Variants in CFAP58 observed in about 807,000 individuals in gnomAD.
CFAP58 encodes cilia- and flagella-associated protein 58.
A neutral mutation model predicts 119.5 loss-of-function variants in CFAP58; 88 were observed. The observed-to-expected ratio is 0.74, with a 90% confidence interval of 0.62 to 0.88. The LOEUF (loss-of-function observed/expected upper bound fraction) is 0.88. CFAP58 is among the 40% of genes least tolerant of loss of function. CFAP58 has a pLI of 0.00. For missense variants in CFAP58, 990 were observed against 1,021.2 expected, an observed-to-expected ratio of 0.97 and a Z score of 0.42; for synonymous variants, 365 against 366.3, an observed-to-expected ratio of 1.00 and a Z score of 0.04.
chr10:104,340,806 C>T, the CFAP58 span, among the ~76,000 whole-genome samples: 10 of 152,072 alleles, frequency 6.6e-5, no homozygotes, highest in African/African-American at 2.4e-4. Context: ...TCTATTCAGG[C>T]CTTGAGTTCT....
rs1263236238 is a variant in CFAP58 at position 104,455,022 on chromosome 10, C to T, written c.*492C>T. 1.3e-5 allele frequency: 2 copies of T among 152,096 alleles called. No individual in the cohort carries two copies. Among genetic ancestry groups the T allele is most frequent in the Admixed American group, 1.3e-4 (2 of 15,262 alleles). The allele number at this position is 152,096 out of a possible 1,614,324, so 9.4% of individuals were successfully genotyped here. A position where few individuals can be genotyped will look rare whatever the true frequency, so the allele number is the denominator to read the frequency against. ...TTTCTATATGGAATTTCTTTTCAGGCCCGGAATGGGAAAATCTATTCCAAA... is the reference window on the plus strand; with the variant it reads ...TTTCTATATGGAATTTCTTTTCAGGTCCGGAATGGGAAAATCTATTCCAAA... On this transcript the variant is annotated 3_prime_UTR_variant, in exon 18 of 18. Transcript: ENST00000369704.
At position 104,376,298 on chromosome 10, in the gene CFAP58, GA is replaced by G. The variant is rs901213178; in HGVS notation, c.1091-502del. 6.1e-3 allele frequency among the ~76,000 whole-genome samples: 886 copies of G among 144,072 alleles called. 6 individuals carry two copies. The highest frequency in any genetic ancestry group is 0.02 in the African/African-American group (777 of 39,480). The allele number at this position is 144,072 out of a possible 152,430, so 94.5% of individuals were successfully genotyped here. On this transcript the variant is annotated intron_variant, in intron 7 of 17. Transcript: ENST00000369704. ...TCTTAGATAGGAATTTGGGCAAGAG[GA>G]AAAAAAAAAATCAGAGCTAGTCCTC...
chr10:104,426,241 A>C (rs1437559313), intron 15 of CFAP58, among the ~76,000 whole-genome samples: 1 of 152,120 alleles, frequency 6.6e-6, no homozygotes, highest in African/African-American at 2.4e-5. Flanking sequence ...CCATCTGAAA[A>C]ACAAAACAAA....
chr10:104,386,476 A>G (rs796861547), intron 9 of CFAP58, among the ~76,000 whole-genome samples: 4 of 152,330 alleles, frequency 2.6e-5, no homozygotes, highest in African/African-American at 9.6e-5. Flanking sequence ...AACACTATTA[A>G]TAACCTTGCC....
At chr10:104,390,473 G>A (rs1454390855) in intron 9 of CFAP58, among the ~76,000 whole-genome samples, 1 of 152,170 alleles carries the variant, frequency 6.6e-6, no homozygotes, top group Non-Finnish European at 1.5e-5. Flanking sequence ...GAATAACTTT[G>A]TAAATATTAC....
intron 9 of CFAP58, among the ~76,000 whole-genome samples, chr10:104,382,684 T>C (rs771954020): frequency 1.2e-4 from 18 of 152,098 alleles, no homozygotes; most frequent in Non-Finnish European, 8.8e-5. Flanking sequence ...TGATGGTGAG[T>C]GAGTTCTCAT....
chr10:104,365,839 A>G lies in CFAP58; in HGVS notation c.623A>G (p.Gln208Arg). The change falls in exon 5 of 18, where the codon CAG becomes CGG. Residue 208 changes from glutamine to arginine, a missense_variant. Coordinates refer to ENST00000369704, the MANE Select transcript of CFAP58 (RefSeq NM_001008723.2). ...SQFQQEIQQR[Q>R]NEASREFRKK... ...TTCCAACAAGAAATCCAGCAACGTC[A>G]GAACGAAGCTTCCCGGGAGTTCCGG... The G allele has an allele frequency of 6.2e-7, 1 of 1,611,766 alleles. No individual in the cohort carries two copies. The highest frequency in any genetic ancestry group is 8.5e-7 in the Non-Finnish European group (1 of 1,179,236).
chr10:104,412,372 C>A (rs1428382324), intron 15 of CFAP58, among the ~76,000 whole-genome samples: 1 of 151,892 alleles, frequency 6.6e-6, no homozygotes, highest in Admixed American at 6.6e-5. Context: ...TCCAGGCCTC[C>A]AAAGTTTAAT....
chr10:104,442,232 T>G (rs2013047499), intron 15 of CFAP58, among the ~76,000 whole-genome samples: 1 of 152,192 alleles, frequency 6.6e-6, no homozygotes, highest in Non-Finnish European at 1.5e-5. Flanking sequence ...CAATTAGGAT[T>G]TCTGTGTTTA....
intron 15 of CFAP58, among the ~76,000 whole-genome samples, chr10:104,427,821 C>A (rs2133075247): frequency 6.6e-6 from 1 of 152,238 alleles, no homozygotes; most frequent in African/African-American, 2.4e-5. Context: ...CCAGGTGGCC[C>A]TTGGCTGGTG....
intron 15 of CFAP58, among the ~76,000 whole-genome samples, chr10:104,413,751 A>T (rs3069008): frequency 1.9e-3 from 270 of 140,232 alleles, no homozygotes; most frequent in African/African-American, 6.7e-3. Flanking sequence ...ATCATCATCA[A>T]GATGGCATTT....
intron 15 of CFAP58, among the ~76,000 whole-genome samples, chr10:104,436,052 T>C (rs1240496148): frequency 1.3e-5 from 2 of 152,156 alleles, no homozygotes; most frequent in Non-Finnish European, 2.9e-5. Context: ...CCATATGCTC[T>C]TGCATCTGCT....
At chr10:104,446,971 C>G (rs1349872510) in intron 15 of CFAP58, among the ~76,000 whole-genome samples, 2 of 152,038 alleles carry the variant, frequency 1.3e-5, no homozygotes, top group African/African-American at 2.4e-5. Flanking sequence ...CCTCTTCCCT[C>G]AAGACATTTT....
chr10:104,357,857 A>G (rs201482565), intron 1 of CFAP58, among the ~76,000 whole-genome samples: 8,945 of 75,496 alleles, frequency 0.12, 733 homozygotes, highest in African/African-American at 0.29. Context: ...ACACATATAT[A>G]CACATATATA....
In CFAP58 at chr10:104,450,002, G is replaced by A. The variant is rs147743610; in HGVS notation, c.2377-69G>A. The A allele has an allele frequency of 2.8e-5, 41 of 1,469,670 alleles. No individual in the cohort carries two copies. In the African/African-American group the frequency reaches 3.3e-4, roughly 12 times the overall value. The allele number at this position is 1,469,670 out of a possible 1,614,324, so 91.0% of individuals were successfully genotyped here. On this transcript the variant is annotated intron_variant, in intron 16 of 17. Transcript: ENST00000369704. Reference sequence around the variant, plus strand: ...TCTAGCTCCACTGCGGTAAATGGTAGCAGATTAAAAGATTTCTCAGAAAAG... The same window carrying A: ...TCTAGCTCCACTGCGGTAAATGGTAACAGATTAAAAGATTTCTCAGAAAAG...
intron 1 of CFAP58, among the ~76,000 whole-genome samples, chr10:104,357,996 T>C (rs565334788): frequency 2.8e-4 from 38 of 136,638 alleles, no homozygotes; most frequent in African/African-American, 4.8e-4. Context: ...CACATATATG[T>C]ACACATATAT....
rs780852591 is a variant in CFAP58 at position 104,365,910 on chromosome 10, A to G, written c.694A>G (p.Met232Val). The change falls in exon 5 of 18, where the codon ATG becomes GTG. Residue 232 changes from methionine to valine, a missense_variant. Met to Val is a conservative substitution (Grantham distance 21, BLOSUM62 1). Transcript: ENST00000369704. ...AGAGCTCAAGCAGATTCAGGCAGACATGGACAGCAGGCAGACAGAAATAAA... is the reference window on the plus strand; with the variant it reads ...AGAGCTCAAGCAGATTCAGGCAGACGTGGACAGCAGGCAGACAGAAATAAA... ...EKELKQIQAD[M>V]DSRQTEIKAL... The G allele has an allele frequency of 4.8e-5, 78 of 1,613,584 alleles. No individual in the cohort carries two copies. The highest frequency in any genetic ancestry group is 6.7e-5 in the Admixed American group (4 of 59,932).
chr10:104,356,255 G>A (rs1433936540), intron 1 of CFAP58, among the ~76,000 whole-genome samples: 3 of 152,126 alleles, frequency 2.0e-5, no homozygotes, highest in South Asian at 2.1e-4. Context: ...GCATGTCATC[G>A]TTAGAGATTT....
chr10:104,346,438 C>T, the CFAP58 span, among the ~76,000 whole-genome samples: 1 of 151,944 alleles, frequency 6.6e-6, no homozygotes. Flanking sequence ...ACCTCAAACT[C>T]CTGGGCTCCA....
Sources: allele counts gnomAD v4.1 joint callset (sites outside exome capture counted in the v4.1 genomes callset), GRCh38; gene constraint gnomAD v4.1.1; transcripts MANE v1.5; gene names NCBI Gene and HGNC (gene_info 2026-07-23, HGNC 2026-07-21).